The following LYPD5 variants were observed in gnomAD, a reference collection of about 807,000 sequenced individuals.
The protein encoded by LYPD5 is LY6/PLAUR domain containing 5.
Under a neutral mutation model 19.1 loss-of-function variants are expected in LYPD5, and 21 were observed. The observed-to-expected ratio is 1.10, with a 90% CI of 0.78 to 1.58. The LOEUF (loss-of-function observed/expected upper bound fraction) is 1.58, where lower values mean the gene tolerates loss of function less well. LYPD5 is among the 40% of genes most tolerant of loss of function. The pLI, the probability that LYPD5 is intolerant of heterozygous loss-of-function variation, is 0.00. For missense variants in LYPD5, 287 were observed against 329.8 expected (o/e 0.87, Z 1.00); for synonymous variants, 128 against 142.7 (o/e 0.90, Z 0.74).
At chr19:43,803,450 T>G (rs923112970), upstream of LYPD5, among the ~76,000 whole-genome samples, 1 of 152,174 alleles carries the variant, frequency 6.6e-6, no homozygotes, top group African/African-American at 2.4e-5. Flanking sequence ...TGCTGCCTGC[T>G]GGATCAGGCT....
chr19:43,811,512 T>C (rs1970323217), intron 1 of LYPD5, among the ~76,000 whole-genome samples: 1 of 151,994 alleles, frequency 6.6e-6, no homozygotes, highest in Non-Finnish European at 1.5e-5. Flanking sequence ...AGGGCGAAAC[T>C]CTGTCTCTAC....
chr19:43,816,532 A>T (rs948740305), intron 1 of LYPD5, among the ~76,000 whole-genome samples: 1 of 152,258 alleles, frequency 6.6e-6, no homozygotes, highest in Admixed American at 6.5e-5. Flanking sequence ...GTCAGAGATC[A>T]AGTAAAATAC....
upstream of LYPD5, chr19:43,802,489 TTCGTCCCACCCTCCCTATG>T (rs1433762602): frequency 1.1e-6 from 1 of 941,886 alleles, no homozygotes; most frequent in African/African-American, 1.6e-5. Flanking sequence ...CCAGTATTTC[TTCGTCCCACCCTCCCTATG>T]TGGGCGGGTC....
At chr19:43,803,085 G>C (rs1235196359), upstream of LYPD5, among the ~76,000 whole-genome samples, 1 of 152,160 alleles carries the variant, frequency 6.6e-6, no homozygotes, top group Non-Finnish European at 1.5e-5. Context: ...GAGAGAGTGT[G>C]CCTTCGAGGA....
At chr19:43,814,067 T>TA (rs1970349284) in intron 1 of LYPD5, among the ~76,000 whole-genome samples, 1 of 152,166 alleles carries the variant, frequency 6.6e-6, no homozygotes, top group African/African-American at 2.4e-5. Flanking sequence ...TGTATCCACA[T>TA]ACTTCTTCCT....
intron 1 of LYPD5, among the ~76,000 whole-genome samples, chr19:43,818,139 T>C (rs1568407909): frequency 2.0e-5 from 3 of 152,200 alleles, no homozygotes; most frequent in Non-Finnish European, 4.4e-5. Flanking sequence ...TTCATGGACT[T>C]ACTGAACTCA....
chr19:43,804,507 A>C (rs889915534), upstream of LYPD5, among the ~76,000 whole-genome samples: 7 of 152,116 alleles, frequency 4.6e-5, no homozygotes, highest in Non-Finnish European at 1.0e-4. Context: ...TATTTGTTTC[A>C]GTGGAGTTGA....
At chr19:43,811,219 A>C (rs1158338279) in intron 1 of LYPD5, among the ~76,000 whole-genome samples, 1 of 152,194 alleles carries the variant, frequency 6.6e-6, no homozygotes, top group Non-Finnish European at 1.5e-5. Context: ...TTATGCCTGT[A>C]ATCCCAGCAT....
Position 43,799,655 on chromosome 19 carries a change from C to G in LYPD5, c.193+51G>C, listed in dbSNP as rs376531706. ...CCTCCCTTTCTGCTCCCCTCTCCCC[C>G]CTTTTTCCTCCCTAATCTCTCATCC... On this transcript the variant is annotated intron_variant, in intron 2 of 4. Coordinates refer to ENST00000377950, the MANE Select transcript of LYPD5 (RefSeq NM_001031749.3). 53 of 1,561,954 alleles carry G rather than the reference C, an allele frequency of 3.4e-5. No homozygotes were observed. In the East Asian group the frequency reaches 5.7e-4, roughly 17 times the overall value.
At chr19:43,801,071 C>T (rs550081811) in intron 1 of LYPD5, among the ~76,000 whole-genome samples, 1 of 145,754 alleles carries the variant, frequency 6.9e-6, no homozygotes, top group Non-Finnish European at 1.5e-5. Context: ...AAGGCCCAAA[C>T]AATTGGTCAG....
chr19:43,811,085 T>C, intron 1 of LYPD5, among the ~76,000 whole-genome samples: 1 of 152,346 alleles, frequency 6.6e-6, no homozygotes, highest in South Asian at 2.1e-4. Context: ...TTATATTTTA[T>C]TTAGAGCCTG....
chr19:43,820,274 G>A (rs1234749013), intron 1 of LYPD5, among the ~76,000 whole-genome samples: 1 of 152,118 alleles, frequency 6.6e-6, no homozygotes, highest in Non-Finnish European at 1.5e-5. Context: ...TGTGTCACAA[G>A]ACATCCCAGC....
upstream of LYPD5, among the ~76,000 whole-genome samples, chr19:43,802,916 C>T (rs550245676): frequency 6.6e-6 from 1 of 152,298 alleles, no homozygotes; most frequent in African/African-American, 2.4e-5. Flanking sequence ...TCTGTCTCCC[C>T]TACCGGGCTG....
In LYPD5 at chr19:43,796,193, A is replaced by T. The variant is rs1041653959; in HGVS notation, c.*1398T>A. 2.0e-5 allele frequency: 3 copies of T among 152,186 alleles called. No individual in the cohort carries two copies. Among genetic ancestry groups the T allele is most frequent in the Non-Finnish European group, 2.9e-5 (2 of 68,026 alleles). 9.4% of individuals were successfully genotyped at this position (152,186 alleles called of 1,614,324 possible). A position where few individuals can be genotyped will look rare whatever the true frequency, so the allele number is the denominator to read the frequency against. On this transcript the variant is annotated 3_prime_UTR_variant, in exon 5 of 5. Transcript: ENST00000377950. Reference sequence around the variant, plus strand: ...TCCCAGTAATATCACTTTGGTAATTAGGTTTCAAAAGATGAATTTTGGGGA... The same window carrying T: ...TCCCAGTAATATCACTTTGGTAATTTGGTTTCAAAAGATGAATTTTGGGGA...
At chr19:43,801,380 A>G (rs1970222363) in intron 1 of LYPD5, among the ~76,000 whole-genome samples, 1 of 152,156 alleles carries the variant, frequency 6.6e-6, no homozygotes, top group African/African-American at 2.4e-5. Context: ...ACATGCCTAT[A>G]GTCACAGTTA....
intron 3 of LYPD5, 101 bp downstream of exon 3, chr19:43,798,711 T>C (rs1970173110): frequency 1.3e-6 from 2 of 1,570,998 alleles, no homozygotes; most frequent in East Asian, 4.6e-5. Flanking sequence ...GTTGGGATCC[T>C]AGCGCGCCAA....
chr19:43,803,004 CAGAG>C (rs1022435571), upstream of LYPD5, among the ~76,000 whole-genome samples: 9 of 152,050 alleles, frequency 5.9e-5, no homozygotes, highest in Non-Finnish European at 1.2e-4. Context: ...AAGACACAAA[CAGAG>C]AGGCACCAAG....
At chr19:43,802,226 C>T in intron 1 of LYPD5, 91 bp downstream of exon 1, 1 of 1,185,382 alleles carries the variant, frequency 8.4e-7, no homozygotes, top group Non-Finnish European at 1.2e-6. Flanking sequence ...CCCTCAGACC[C>T]AGGAGTCCAG....
At chr19:43,806,041 G>C (rs549845768), upstream of LYPD5, among the ~76,000 whole-genome samples, 1 of 152,182 alleles carries the variant, frequency 6.6e-6, no homozygotes, top group South Asian at 2.1e-4. Flanking sequence ...CTTTGTTTCT[G>C]TGAATTTGAC....
Sources: allele counts gnomAD v4.1 joint callset (sites outside exome capture counted in the v4.1 genomes callset), GRCh38; gene constraint gnomAD v4.1.1; transcripts MANE v1.5; gene names NCBI Gene and HGNC (gene_info 2026-07-23, HGNC 2026-07-21).